Variants in RBM6 observed in about 807,000 individuals in gnomAD.
RBM6 encodes the protein RNA binding motif protein 6, also known as RNA-binding protein 6.
A neutral mutation model predicts 140.4 loss-of-function variants in RBM6; 23 were observed. That is an observed-to-expected ratio of 0.16 (90% confidence interval 0.12 to 0.23). The LOEUF (loss-of-function observed/expected upper bound fraction) is 0.23. Ranked by LOEUF, RBM6 falls within the 10% of genes least tolerant of loss-of-function variation. RBM6 has a pLI of 1.00. For missense variants in RBM6, 1,139 were observed against 1,386.7 expected, an observed-to-expected ratio of 0.82 and a Z score of 2.84; for synonymous variants, 439 against 475.6, an observed-to-expected ratio of 0.92 and a Z score of 1.00.
At chr3:50,044,167 C>G (rs918968173) in intron 6 of RBM6, among the ~76,000 whole-genome samples, 3 of 152,080 alleles carry the variant, frequency 2.0e-5, no homozygotes, top group Non-Finnish European at 4.4e-5. Context: ...CGTGAGCCAC[C>G]GTGCCTGGCC....
chr3:50,031,540 T>C (rs948571245), intron 6 of RBM6, among the ~76,000 whole-genome samples: 7 of 151,690 alleles, frequency 4.6e-5, no homozygotes, highest in Admixed American at 1.3e-4. Flanking sequence ...ATGAGAACAC[T>C]TGGACACAGA....
chr3:50,037,957 G>C (rs1364945401), intron 6 of RBM6, among the ~76,000 whole-genome samples: 1 of 151,930 alleles, frequency 6.6e-6, no homozygotes, highest in Non-Finnish European at 1.5e-5. Context: ...GAGTAGCTGG[G>C]ATTACAGGCG....
intron 1 of RBM6, among the ~76,000 whole-genome samples, chr3:49,957,881 G>A (rs1210367111): frequency 1.3e-5 from 2 of 151,066 alleles, no homozygotes; most frequent in East Asian, 3.9e-4. Flanking sequence ...GCCCAGGCTG[G>A]AGTGCAATGG....
intron 1 of RBM6, among the ~76,000 whole-genome samples, chr3:49,950,875 G>C (rs187483005): frequency 6.6e-6 from 1 of 152,034 alleles, no homozygotes; most frequent in Non-Finnish European, 1.5e-5. Flanking sequence ...GAAAAACAGA[G>C]TCTCGATGAG....
chr3:50,065,118 C>T lies in RBM6; in HGVS notation c.2674C>T (p.Pro892Ser), dbSNP rs772360223. The T allele has an allele frequency of 8.7e-6, 14 of 1,609,860 alleles. No homozygotes were observed. Among genetic ancestry groups the T allele is most frequent in the Middle Eastern group, 1.6e-4 (1 of 6,066 alleles). Residue 892 changes from proline to serine, a missense_variant, in exon 16 of 21, where the codon CCC becomes TCC. This residue lies in a region of RBM6 where 163 missense variants were observed against 182.8 expected (regional missense o/e 0.89). Coordinates refer to ENST00000266022, the MANE Select transcript of RBM6 (RefSeq NM_005777.3). ...LPPTVKKEES[P>S]PPPKVVNPLI... ...TCCTACTGTGAAGAAGGAAGAGAGT[C>T]CCCCTCCAGTAAGACCAACATTGAT...
Position 50,062,009 on chromosome 3 carries a change from G to A in RBM6, c.2487G>A (p.Glu829=), listed in dbSNP as rs1553670453. The A allele has an allele frequency of 1.2e-6, 2 of 1,613,700 alleles. No homozygotes were observed. Among genetic ancestry groups the A allele is most frequent in the South Asian group, 1.1e-5 (1 of 91,060 alleles). ...PQDPGLPEEE[E]IKEKKPTSQG... ...ATCCTGGATTACCTGAGGAAGAAGA[G>A]ATCAAGGAAAAAAAACCCACCAGTC... The change falls in exon 15 of 21, where the codon GAG becomes GAA. Residue 829 remains glutamate (E), a synonymous_variant. Transcript: ENST00000266022.
chr3:49,952,440 A>G (rs1048993496), intron 1 of RBM6, among the ~76,000 whole-genome samples: 2 of 151,840 alleles, frequency 1.3e-5, no homozygotes, highest in Non-Finnish European at 2.9e-5. Flanking sequence ...TGCTGGGATT[A>G]AAGACATGAG....
intron 13 of RBM6, 42 bp from the exon 14 acceptor site, chr3:50,061,420 T>C (rs905405157): frequency 1.9e-6 from 3 of 1,586,244 alleles, no homozygotes; most frequent in African/African-American, 2.7e-5. Flanking sequence ...AAGGGCTTCA[T>C]TGGACAGAGA....
chr3:49,973,298 T>C (rs993390657), intron 4 of RBM6, among the ~76,000 whole-genome samples: 4 of 151,996 alleles, frequency 2.6e-5, no homozygotes, highest in African/African-American at 9.7e-5. Context: ...GGCTGTTTTT[T>C]GTATTGTGTA....
chr3:50,025,345 C>G (rs1372807395), intron 6 of RBM6, among the ~76,000 whole-genome samples: 1 of 151,444 alleles, frequency 6.6e-6, no homozygotes, highest in East Asian at 2.0e-4. Context: ...ATCACTTGAA[C>G]CCAGGAGGTA....
intron 6 of RBM6, among the ~76,000 whole-genome samples, chr3:50,037,946 T>C (rs889218908): frequency 5.3e-5 from 8 of 151,528 alleles, no homozygotes; most frequent in African/African-American, 1.7e-4. Flanking sequence ...CTCAGCCTCC[T>C]GAGTAGCTGG....
intron 6 of RBM6, among the ~76,000 whole-genome samples, chr3:50,036,753 A>G (rs1307743015): frequency 6.6e-6 from 1 of 152,104 alleles, no homozygotes; most frequent in East Asian, 1.9e-4. Flanking sequence ...TATCCCATGT[A>G]TCCCAGTGAA....
chr3:49,941,764 C>T (rs111281011), intron 1 of RBM6, among the ~76,000 whole-genome samples: 4,966 of 150,530 alleles, frequency 0.033, 297 homozygotes, highest in African/African-American at 0.12. Flanking sequence ...GGCGGAGTTT[C>T]GCTATGTTGG....
At chr3:50,061,584 T>TTA (rs1553670222) in intron 14 of RBM6, 37 bp downstream of exon 14, 23 of 1,283,130 alleles carry the variant, frequency 1.8e-5, no homozygotes, top group South Asian at 2.7e-5. Context: ...TTTTTTTTTT[T>TTA]ACCTCTGTCA....
At chr3:49,978,516 C>T (rs543206141) in intron 5 of RBM6, among the ~76,000 whole-genome samples, 100 of 152,208 alleles carry the variant, frequency 6.6e-4, no homozygotes, top group Non-Finnish European at 1.2e-3. Flanking sequence ...TAATTTTTGT[C>T]TCCTCTAGAG....
At chr3:49,955,882 GTGTA>G (rs1362971803) in intron 1 of RBM6, among the ~76,000 whole-genome samples, 11 of 151,210 alleles carry the variant, frequency 7.3e-5, no homozygotes, top group African/African-American at 2.2e-4. Flanking sequence ...GTGTGTGTGT[GTGTA>G]TATGTATATA....
At chr3:49,982,566 C>T (rs2085359541) in intron 5 of RBM6, among the ~76,000 whole-genome samples, 1 of 151,540 alleles carries the variant, frequency 6.6e-6, no homozygotes. Flanking sequence ...AGGCACCCGC[C>T]ACCACGCCCA....
chr3:50,012,824 C>T (rs2086920701), intron 6 of RBM6, among the ~76,000 whole-genome samples: 1 of 149,768 alleles, frequency 6.7e-6, no homozygotes, highest in Non-Finnish European at 1.5e-5. Context: ...CTCACCACAA[C>T]CTCCCCGTCC....
intron 5 of RBM6, among the ~76,000 whole-genome samples, chr3:49,983,053 C>T (rs757706942): frequency 7.2e-5 from 11 of 152,124 alleles, no homozygotes; most frequent in Admixed American, 2.0e-4. Flanking sequence ...CGCTGTTGCT[C>T]AGGCTGGTCT....
Sources: allele counts gnomAD v4.1 joint callset (sites outside exome capture counted in the v4.1 genomes callset), GRCh38; gene constraint gnomAD v4.1.1; regional missense constraint gnomAD v4.1.1; transcripts MANE v1.5; gene names NCBI Gene and HGNC (gene_info 2026-07-23, HGNC 2026-07-21).